Variants in COL4A3 observed in about 807,000 individuals in gnomAD.
COL4A3 encodes the protein collagen alpha-3(IV) chain.
A neutral mutation model predicts 217.4 loss-of-function variants in COL4A3; 135 were observed. The observed-to-expected ratio is 0.62, with a 90% confidence interval of 0.54 to 0.72. The LOEUF is 0.72. Ranked by LOEUF, COL4A3 falls within the 30% of genes least tolerant of loss-of-function variation. The probability of loss-of-function intolerance (pLI) is 0.00; values close to 1 mark genes in which losing one functional copy is unlikely to be tolerated. For missense variants in COL4A3, 1,868 were observed against 2,119.9 expected (o/e 0.88, Z 2.33); for synonymous variants, 690 against 736.3 (o/e 0.94, Z 1.02).
chr2:227,215,332 A>G (rs2067485444), intron 1 of COL4A3, among the ~76,000 whole-genome samples: 1 of 151,124 alleles, frequency 6.6e-6, no homozygotes. Context: ...CTGTGCATAT[A>G]TAGGTTCTTA....
At chr2:227,254,606 G>A in intron 14 of COL4A3, 50 bp from the exon 15 acceptor site, 2 of 1,369,776 alleles carry the variant, frequency 1.5e-6, no homozygotes, top group Non-Finnish European at 2.1e-6. Flanking sequence ...ATCAATGTAA[G>A]TAAAAAAATC....
chr2:227,213,977 A>C (rs367827576), intron 1 of COL4A3, among the ~76,000 whole-genome samples: 7 of 152,094 alleles, frequency 4.6e-5, no homozygotes, highest in Admixed American at 1.3e-4. Context: ...CAAATATTAC[A>C]ATGCATATTA....
chr2:227,171,556 T>G (rs901421557), intron 1 of COL4A3, among the ~76,000 whole-genome samples: 1 of 152,188 alleles, frequency 6.6e-6, no homozygotes, highest in Non-Finnish European at 1.5e-5. Flanking sequence ...TGTCTTAGTC[T>G]GCTTGGGCTG....
intron 50 of COL4A3, 98 bp from the exon 51 acceptor site, chr2:227,310,678 A>T: frequency 1.1e-6 from 1 of 946,410 alleles, no homozygotes; most frequent in Non-Finnish European, 1.7e-6. Flanking sequence ...CCCTTTCTTT[A>T]CTCACAGTTG....
chr2:227,206,662 C>A (rs2067112488), intron 1 of COL4A3, among the ~76,000 whole-genome samples: 1 of 111,754 alleles, frequency 8.9e-6, no homozygotes, highest in Non-Finnish European at 2.1e-5. Context: ...CAAGCCCTGC[C>A]CCAGACCTAA....
chr2:227,184,813 T>G (rs544193852), intron 1 of COL4A3, among the ~76,000 whole-genome samples: 1 of 147,594 alleles, frequency 6.8e-6, no homozygotes, highest in African/African-American at 2.5e-5. Context: ...TTTTTTTCAT[T>G]ATGCGCATTT....
At chr2:227,280,764 GGCA>G in intron 30 of COL4A3, 126 bp from the exon 31 acceptor site, 1 of 1,026,922 alleles carries the variant, frequency 9.7e-7, no homozygotes, top group Non-Finnish European at 1.5e-6. Context: ...CTCTAGAAAA[GGCA>G]TATTAATGGC....
intron 1 of COL4A3, among the ~76,000 whole-genome samples, chr2:227,174,268 G>GGAAATATATT (rs2065595174): frequency 6.6e-6 from 1 of 152,022 alleles, no homozygotes; most frequent in South Asian, 2.1e-4. Flanking sequence ...ATGGGGCAAG[G>GGAAATATATT]GAAATATATT....
Position 227,247,335 on chromosome 2 carries a change from A to G in COL4A3, c.442-223A>G, listed in dbSNP as rs1229086785. ...GCAGGGGGCAGATTTGGAACTGAGG[A>G]ATGGGTGGGAAATGAACAAAATGGG... On this transcript the variant is annotated intron_variant, in intron 7 of 51. Transcript: ENST00000396578. 2.6e-5 allele frequency among the ~76,000 whole-genome samples: 4 copies of G among 152,118 alleles called. No individual in the cohort carries two copies. In the South Asian group the frequency reaches 8.3e-4, roughly 32 times the overall value.
At chr2:227,182,859 A>G (rs1316947330) in intron 1 of COL4A3, among the ~76,000 whole-genome samples, 1 of 152,196 alleles carries the variant, frequency 6.6e-6, no homozygotes, top group African/African-American at 2.4e-5. Context: ...TAGTTACACA[A>G]ATCAACATTT....
intron 1 of COL4A3, among the ~76,000 whole-genome samples, chr2:227,188,505 C>T (rs763916134): frequency 2.0e-5 from 3 of 151,734 alleles, no homozygotes; most frequent in East Asian, 1.9e-4. Context: ...ACTTCTCCCC[C>T]ACTCCATCTC....
At chr2:227,307,626 T>C in intron 47 of COL4A3, 84 bp from the exon 48 acceptor site, 1 of 1,120,800 alleles carries the variant, frequency 8.9e-7, no homozygotes, top group East Asian at 2.6e-5. Flanking sequence ...TCAACATATA[T>C]AAAATATATT....
At chr2:227,180,779 G>A (rs1577040026) in intron 1 of COL4A3, among the ~76,000 whole-genome samples, 1 of 152,298 alleles carries the variant, frequency 6.6e-6, no homozygotes, top group East Asian at 1.9e-4. Flanking sequence ...AAGTATTACT[G>A]AGACAGGAAT....
chr2:227,303,222 A>T (rs2073367650), intron 44 of COL4A3, 112 bp downstream of exon 44: 1 of 852,096 alleles, frequency 1.2e-6, no homozygotes, highest in Non-Finnish European at 2.0e-6. Flanking sequence ...TACAAATAGG[A>T]CCTCAATACG....
rs772968870 is a variant in COL4A3, at chr2:227,303,955, T to C, written c.4027+25T>C. The C allele has an allele frequency of 1.2e-5, 19 of 1,614,236 alleles. 1 individual carries two copies. Among genetic ancestry groups the C allele is most frequent in the Middle Eastern group, 3.3e-4 (2 of 6,062 alleles). ...GGTAAATAAACGTCCTTACTATTGC[T>C]GTCAATGAAGAAAGGTAACACATCC... On this transcript the variant is annotated intron_variant, in intron 45 of 51. Coordinates refer to ENST00000396578, the MANE Select transcript of COL4A3 (RefSeq NM_000091.5).
At position 227,303,784 on chromosome 2, in the gene COL4A3, G is replaced by C. The variant is rs1028244831; in HGVS notation, c.3956-75G>C. On this transcript the variant is annotated intron_variant, in intron 44 of 51. Coordinates refer to ENST00000396578, the MANE Select transcript of COL4A3 (RefSeq NM_000091.5). ...CACACTTCTAGTATTTGTCCTTAGA[G>C]TCAATCATCAACCTGAAGAACTAGG... The C allele has an allele frequency of 3.6e-6, 5 of 1,395,852 alleles. No homozygotes were observed. The African/African-American group carries it at 7.1e-5, about 20-fold the overall frequency. The allele number at this position is 1,395,852 out of a possible 1,614,324, so 86.5% of individuals were successfully genotyped here.
chr2:227,251,042 T>G, intron 9 of COL4A3, 98 bp from the exon 10 acceptor site: 1 of 955,834 alleles, frequency 1.0e-6, no homozygotes, highest in South Asian at 1.3e-5. Flanking sequence ...TATGCTCTTC[T>G]GATTTTATTA....
chr2:227,299,897 T>C (rs1407146192), intron 43 of COL4A3, among the ~76,000 whole-genome samples: 1 of 152,248 alleles, frequency 6.6e-6, no homozygotes, highest in Non-Finnish European at 1.5e-5. Flanking sequence ...TCACTCTAAA[T>C]GACATTGTCA....
chr2:227,247,381 G>A (rs997791294), intron 7 of COL4A3, among the ~76,000 whole-genome samples, 177 bp from the exon 8 acceptor site: 2 of 152,188 alleles, frequency 1.3e-5, no homozygotes, highest in Non-Finnish European at 2.9e-5. Flanking sequence ...GTGAGACGAA[G>A]GAGAGACAGG....
Sources: gnomAD v4.1 joint callset for allele counts (sites outside exome capture counted in the v4.1 genomes callset) on GRCh38, gnomAD v4.1.1 for gene constraint, MANE v1.5 for transcripts, NCBI Gene and HGNC (gene_info 2026-07-23, HGNC 2026-07-21) for gene names.